FRMD6: variants seen among roughly 807,000 people sequenced by gnomAD.
The protein encoded by FRMD6 is FERM domain-containing protein 6.
A neutral mutation model predicts 73.2 loss-of-function variants in FRMD6; 37 were observed. That is an observed-to-expected ratio of 0.51 (90% CI 0.39 to 0.66). FRMD6 has a LOEUF of 0.66. Among genes scored for constraint, FRMD6 ranks in the 30% least tolerant of loss-of-function variants. FRMD6 has a pLI of 0.00. For missense variants in FRMD6, 714 were observed against 780.5 expected, an observed-to-expected ratio of 0.91 and a Z score of 1.02; for synonymous variants, 273 against 282.2, an observed-to-expected ratio of 0.97 and a Z score of 0.33.
intron 12 of FRMD6, 84 bp from the exon 13 acceptor site, chr14:51,725,695 C>A: frequency 1.9e-6 from 2 of 1,049,362 alleles, no homozygotes; most frequent in Non-Finnish European, 1.5e-6. Context: ...TTTTTCATTC[C>A]TGATAGCAAT....
At chr14:51,404,856 A>G in the FRMD6 span, among the ~76,000 whole-genome samples, 1 of 152,126 alleles carries the variant, frequency 6.6e-6, no homozygotes, top group Non-Finnish European at 1.5e-5. Flanking sequence ...TATGTTGTAT[A>G]GATTATTTAA....
chr14:51,420,912 T>C, the FRMD6 span, among the ~76,000 whole-genome samples: 1 of 152,188 alleles, frequency 6.6e-6, no homozygotes, highest in African/African-American at 2.4e-5. Flanking sequence ...TAGCTGGGAC[T>C]ACAGGTGTGC....
intron 1 of FRMD6, among the ~76,000 whole-genome samples, chr14:51,681,856 T>C (rs959865768): frequency 1.3e-5 from 2 of 152,248 alleles, no homozygotes; most frequent in African/African-American, 4.8e-5. Context: ...CACTGTTTAC[T>C]GATCAATTTT....
intron 2 of FRMD6, among the ~76,000 whole-genome samples, chr14:51,697,191 A>T (rs1448579473): frequency 1.3e-5 from 2 of 152,186 alleles, no homozygotes; most frequent in Non-Finnish European, 2.9e-5. Context: ...TGAAATCATT[A>T]TGTCAAAGAG....
the FRMD6 span, among the ~76,000 whole-genome samples, chr14:51,455,628 G>A: frequency 1.3e-5 from 2 of 152,076 alleles, no homozygotes; most frequent in African/African-American, 2.4e-5. Context: ...ACTTCTTTTG[G>A]TAGAGTCAGG....
chr14:51,456,972 C>T, the FRMD6 span, among the ~76,000 whole-genome samples: 21 of 152,104 alleles, frequency 1.4e-4, no homozygotes, highest in East Asian at 4.1e-3. Context: ...ATGGTGGTTA[C>T]TAGAGGCTAG....
At chr14:51,434,183 G>C in the FRMD6 span, among the ~76,000 whole-genome samples, 18 of 152,162 alleles carry the variant, frequency 1.2e-4, no homozygotes, top group East Asian at 3.3e-3. Flanking sequence ...TATGTACACA[G>C]GTGGCATAAA....
intron 6 of FRMD6, among the ~76,000 whole-genome samples, chr14:51,706,221 T>C (rs1024703327): frequency 6.6e-6 from 1 of 152,202 alleles, no homozygotes; most frequent in South Asian, 2.1e-4. Flanking sequence ...AATAAAATTA[T>C]CTTCTATTTT....
At chr14:51,633,320 G>A (rs1406537302) in intron 2 of FRMD6, among the ~76,000 whole-genome samples, 8 of 145,622 alleles carry the variant, frequency 5.5e-5, no homozygotes, top group Non-Finnish European at 1.1e-4. Flanking sequence ...GGGTTTTTTT[G>A]GCTGGGTGCG....
the FRMD6 span, chr14:51,436,437 T>C: frequency 1.9e-6 from 1 of 527,628 alleles, no homozygotes; most frequent in Non-Finnish European, 3.4e-6. Flanking sequence ...TAAATCAAAT[T>C]GCTGAATAGA....
At chr14:51,699,763 T>C (rs1442745132) in intron 3 of FRMD6, among the ~76,000 whole-genome samples, 3 of 152,036 alleles carry the variant, frequency 2.0e-5, no homozygotes, top group South Asian at 2.1e-4. Flanking sequence ...TGTACTATTA[T>C]GGTGAACAGT....
the FRMD6 span, among the ~76,000 whole-genome samples, chr14:51,453,340 G>A: frequency 6.6e-6 from 1 of 152,016 alleles, no homozygotes; most frequent in Non-Finnish European, 1.5e-5. Context: ...TTAGGGTGAG[G>A]TAGGGGAAGG....
intron 1 of FRMD6, among the ~76,000 whole-genome samples, chr14:51,542,415 A>T (rs1886249053): frequency 6.6e-6 from 1 of 152,074 alleles, no homozygotes; most frequent in Non-Finnish European, 1.5e-5. Context: ...TCTTTCACTT[A>T]TCATAATGTT....
At chr14:51,463,336 A>G in the FRMD6 span, among the ~76,000 whole-genome samples, 2 of 152,208 alleles carry the variant, frequency 1.3e-5, no homozygotes, top group Non-Finnish European at 2.9e-5. Flanking sequence ...ATCCTCCCAT[A>G]TGCTTTAAAT....
chr14:51,685,490 C>T (rs1358118489), intron 1 of FRMD6, among the ~76,000 whole-genome samples: 2 of 152,162 alleles, frequency 1.3e-5, no homozygotes, highest in Admixed American at 1.3e-4. Context: ...CATACAGCAA[C>T]ATTTGGCAGA....
intron 2 of FRMD6, among the ~76,000 whole-genome samples, chr14:51,614,431 C>T (rs1464085542): frequency 6.6e-6 from 1 of 152,078 alleles, no homozygotes; most frequent in African/African-American, 2.4e-5. Context: ...ACCGGTCACA[C>T]TATTGGTTGC....
the FRMD6 span, among the ~76,000 whole-genome samples, chr14:51,480,106 C>T: frequency 1.3e-5 from 2 of 152,262 alleles, no homozygotes; most frequent in African/African-American, 4.8e-5. Context: ...GCAGTTGCAA[C>T]ATCCCAGTTG....
intron 2 of FRMD6, among the ~76,000 whole-genome samples, chr14:51,605,300 G>C (rs1032463785): frequency 6.6e-6 from 1 of 151,966 alleles, no homozygotes; most frequent in African/African-American, 2.4e-5. Context: ...CGCAGTGTTT[G>C]TGTCCCTGGG....
At chr14:51,709,384 G>A (rs771207769) in intron 7 of FRMD6, among the ~76,000 whole-genome samples, 1 of 152,206 alleles carries the variant, frequency 6.6e-6, no homozygotes, top group African/African-American at 2.4e-5. Context: ...TAAGCATGAT[G>A]TTAAGTTGGC....
Sources: gnomAD v4.1 joint callset for allele counts (sites outside exome capture counted in the v4.1 genomes callset) on GRCh38, gnomAD v4.1.1 for gene constraint, MANE v1.5 for transcripts, NCBI Gene and HGNC (gene_info 2026-07-23, HGNC 2026-07-21) for gene names.